DOCK1: variants seen among roughly 807,000 people sequenced by gnomAD.
The protein encoded by DOCK1 is dedicator of cytokinesis protein 1.
DOCK1 carries 138 observed loss-of-function variants against 262.7 expected under a neutral mutation model. The ratio of observed to expected loss-of-function variants is 0.53; its 90% CI spans 0.46 to 0.61. DOCK1 has a LOEUF of 0.61. DOCK1 is among the 20% of genes least tolerant of loss of function. The pLI, the probability that DOCK1 is intolerant of heterozygous loss-of-function variation, is 0.00. For synonymous variants in DOCK1, 866 were observed against 867.4 expected (o/e 1.00, Z 0.03); for missense variants, 1,908 against 2,370.7 (o/e 0.80, Z 4.05).
At chr10:127,199,705 A>G (rs1023609893) in intron 27 of DOCK1, among the ~76,000 whole-genome samples, 8 of 152,246 alleles carry the variant, frequency 5.3e-5, no homozygotes, top group African/African-American at 1.9e-4. Flanking sequence ...GCCCGGGACC[A>G]CAGCAACTTC....
chr10:127,283,799 G>T (rs1040791133), intron 29 of DOCK1, among the ~76,000 whole-genome samples: 1 of 152,102 alleles, frequency 6.6e-6, no homozygotes, highest in Admixed American at 6.5e-5. Context: ...ATAAATTTAG[G>T]TTGCTCTCAA....
In DOCK1 at chr10:127,001,928, G is replaced by A. The variant is rs189274445; in HGVS notation, c.985+1621G>A. On this transcript the variant is annotated intron_variant, in intron 10 of 51. Transcript: ENST00000623213. ...CTGTCACCCAGGCTGTGTGATGACAGCTCACTGCTGCCCCGACCTCCTGGG... is the reference window on the plus strand; with the variant it reads ...CTGTCACCCAGGCTGTGTGATGACAACTCACTGCTGCCCCGACCTCCTGGG... 3.3e-3 allele frequency among the ~76,000 whole-genome samples: 500 copies of A among 152,330 alleles called. 3 individuals are homozygous for A. The highest frequency in any genetic ancestry group is 0.011 in the African/African-American group (467 of 41,580).
In DOCK1 at chr10:127,012,827, G is replaced by C. The variant is rs961175547; in HGVS notation, c.1201+453G>C. ...ACTGTTTTTAATCCTGCACTGACACGTTTCTGAGCAGCTGACCTGCTGCTG... is the reference window on the plus strand; with the variant it reads ...ACTGTTTTTAATCCTGCACTGACACCTTTCTGAGCAGCTGACCTGCTGCTG... On this transcript the variant is annotated intron_variant, in intron 12 of 51. Coordinates refer to ENST00000623213, the MANE Select transcript of DOCK1 (RefSeq NM_001290223.2). The surrounding 1 kb of genome is among the most constrained non-coding windows in gnomAD (Gnocchi z 4.0). 2.0e-5 allele frequency among the ~76,000 whole-genome samples: 3 copies of C among 152,172 alleles called. No homozygotes were observed. Among genetic ancestry groups the C allele is most frequent in the African/African-American group, 7.2e-5 (3 of 41,442 alleles).
In DOCK1 at chr10:127,419,662, C is replaced by A; in HGVS notation, c.4693-4C>A. 1 of 1,599,924 alleles carries A rather than the reference C, an allele frequency of 6.3e-7. No individual in the cohort carries two copies. The highest frequency in any genetic ancestry group is 8.5e-7 in the Non-Finnish European group (1 of 1,172,960). On this transcript the variant is annotated splice_region_variant and splice_polypyrimidine_tract_variant and intron_variant, in intron 45 of 51. Transcript: ENST00000623213. ...CACTGAGCAACTCTCCTTGTCTCCA[C>A]CAGGCCTTCTTTACAGACCGGTACC...
chr10:127,346,701 A>C (rs534895330), intron 31 of DOCK1, among the ~76,000 whole-genome samples: 2 of 152,382 alleles, frequency 1.3e-5, no homozygotes, highest in South Asian at 4.1e-4. Flanking sequence ...GAATCTTCAA[A>C]GCCACGGAAA....
chr10:127,120,883 T>A, intron 25 of DOCK1, among the ~76,000 whole-genome samples: 1 of 152,228 alleles, frequency 6.6e-6, no homozygotes, highest in Non-Finnish European at 1.5e-5. Context: ...TATAATACTA[T>A]ACCTTCTGTT....
At chr10:126,993,768 C>T (rs2039976648) in intron 6 of DOCK1, among the ~76,000 whole-genome samples, 2 of 152,108 alleles carry the variant, frequency 1.3e-5, no homozygotes, top group Non-Finnish European at 2.9e-5. Context: ...GGAATTTGCT[C>T]AATAGATATT....
chr10:127,035,343 G>A (rs946030732), intron 18 of DOCK1, among the ~76,000 whole-genome samples: 4 of 152,180 alleles, frequency 2.6e-5, no homozygotes, highest in African/African-American at 7.2e-5. Flanking sequence ...AGTACAAGAT[G>A]TGATTCCTCT....
intron 38 of DOCK1, among the ~76,000 whole-genome samples, chr10:127,389,296 C>T (rs2066328053): frequency 6.6e-6 from 1 of 152,160 alleles, no homozygotes; most frequent in South Asian, 2.1e-4. Flanking sequence ...TCCCCGGCTG[C>T]TTTGGGGATG....
rs1363185513 is a variant in DOCK1 at position 126,949,104 on chromosome 10, C to A, written c.47-21598C>A. Among the ~76,000 whole-genome samples the A allele has an allele frequency of 3.9e-5, 6 of 152,126 alleles. 1 individual carries two copies. Among genetic ancestry groups the A allele is most frequent in the East Asian group, 3.9e-4 (2 of 5,184 alleles). The stretch of plus-strand genomic sequence containing the variant: ...GTGCACGTTCTGCTGGGGGGAGGTG[C>A]ATCCTGCCCTTGCTGCCTGCCTGGC... On this transcript the variant is annotated intron_variant, in intron 1 of 51. Coordinates refer to ENST00000623213, the MANE Select transcript of DOCK1 (RefSeq NM_001290223.2).
intron 14 of DOCK1, 74 bp downstream of exon 14, chr10:127,023,398 A>G: frequency 6.3e-7 from 1 of 1,578,854 alleles, no homozygotes; most frequent in Non-Finnish European, 8.6e-7. Flanking sequence ...GCTCTGCTAC[A>G]GCATAGATGT....
chr10:127,223,840 A>T (rs1447475339), intron 27 of DOCK1, among the ~76,000 whole-genome samples: 3 of 152,116 alleles, frequency 2.0e-5, no homozygotes, highest in African/African-American at 7.2e-5. Flanking sequence ...TTGTCTATAG[A>T]GGGGACCCAG....
At chr10:127,131,612 G>T (rs1191286067) in intron 27 of DOCK1, among the ~76,000 whole-genome samples, 2 of 152,148 alleles carry the variant, frequency 1.3e-5, no homozygotes, top group African/African-American at 4.8e-5. Context: ...CCCTGTTTAG[G>T]ATGCCTGCCC....
At chr10:126,947,309 G>T (rs1259325094) in intron 1 of DOCK1, among the ~76,000 whole-genome samples, 7 of 70,420 alleles carry the variant, frequency 9.9e-5, no homozygotes, top group South Asian at 7.4e-4. Flanking sequence ...ATTACTGTTG[G>T]TGGTGATGGT....
At chr10:127,095,948 G>A (rs765832068) in intron 23 of DOCK1, among the ~76,000 whole-genome samples, 2 of 152,164 alleles carry the variant, frequency 1.3e-5, no homozygotes, top group Admixed American at 6.5e-5. Context: ...TCCCTCAGGC[G>A]TTAAATTGAC....
chr10:127,266,636 A>C (rs1308457361), intron 29 of DOCK1, among the ~76,000 whole-genome samples: 1 of 152,176 alleles, frequency 6.6e-6, no homozygotes, highest in Non-Finnish European at 1.5e-5. Flanking sequence ...GTGCCAGTGG[A>C]ATGTGGCATT....
At chr10:127,209,450 G>C (rs971618501) in intron 27 of DOCK1, among the ~76,000 whole-genome samples, 3 of 152,160 alleles carry the variant, frequency 2.0e-5, no homozygotes, top group Non-Finnish European at 2.9e-5. Flanking sequence ...ACTGGGTGGT[G>C]CCTGTGTGTC....
At chr10:127,264,459 G>A (rs986793705) in intron 29 of DOCK1, among the ~76,000 whole-genome samples, 1 of 152,176 alleles carries the variant, frequency 6.6e-6, no homozygotes, top group African/African-American at 2.4e-5. Context: ...GACTTGGTAT[G>A]TCTTGCAAGT....
chr10:127,115,349 T>A (rs1373407606), intron 25 of DOCK1, among the ~76,000 whole-genome samples: 1 of 152,190 alleles, frequency 6.6e-6, no homozygotes, highest in Non-Finnish European at 1.5e-5. Context: ...GTGATGGCTT[T>A]AAGCTTTGTC....
Sources: allele counts gnomAD v4.1 joint callset (sites outside exome capture counted in the v4.1 genomes callset), GRCh38; gene constraint gnomAD v4.1.1; non-coding constraint Gnocchi (gnomAD v3.1); transcripts MANE v1.5; gene names NCBI Gene and HGNC (gene_info 2026-07-23, HGNC 2026-07-21).